RBFOX1: variants seen among roughly 807,000 people sequenced by gnomAD.
RBFOX1 encodes RNA binding protein fox-1 homolog 1.
In RBFOX1, 8 loss-of-function variants were observed where a neutral mutation model predicts 57.7. The observed-to-expected ratio is 0.14, with a 90% CI of 0.08 to 0.25. RBFOX1 has a LOEUF of 0.25. RBFOX1 is among the 10% of genes least tolerant of loss of function. The pLI is 1.00. For synonymous variants in RBFOX1, 326 were observed against 222.4 expected (o/e 1.47, Z -4.15); for missense variants, 611 against 548.5 (o/e 1.11, Z -1.14).
At chr16:6,246,361 C>A (rs1296668203) in intron 1 of RBFOX1, among the ~76,000 whole-genome samples, 1 of 152,180 alleles carries the variant, frequency 6.6e-6, no homozygotes, top group African/African-American at 2.4e-5. Flanking sequence ...AGTGAGCAGG[C>A]AATTCCAACA....
At chr16:6,876,415 C>G (rs1262145851) in intron 3 of RBFOX1, among the ~76,000 whole-genome samples, 8 of 102,128 alleles carry the variant, frequency 7.8e-5, no homozygotes, top group Non-Finnish European at 1.1e-4. Flanking sequence ...AGTAAATTAG[C>G]TGAAACAAAG....
chr16:5,684,112 T>C (rs78293819), intron 3 of RBFOX1, among the ~76,000 whole-genome samples: 6,161 of 152,180 alleles, frequency 0.04, 433 homozygotes, highest in African/African-American at 0.14. Context: ...CATTTCTTTT[T>C]TGTGTGAAAA....
chr16:5,711,378 G>A (rs1025389198), intron 3 of RBFOX1, among the ~76,000 whole-genome samples: 3 of 152,202 alleles, frequency 2.0e-5, no homozygotes, highest in African/African-American at 7.2e-5. Flanking sequence ...TAACCATATA[G>A]TCTTATTTCA....
chr16:6,301,669 TA>T (rs2078834596), intron 1 of RBFOX1, among the ~76,000 whole-genome samples: 1 of 152,070 alleles, frequency 6.6e-6, no homozygotes, highest in Non-Finnish European at 1.5e-5. Flanking sequence ...AAACTACTCT[TA>T]AAAAAAGGAA....
At chr16:7,619,359 C>A (rs2058953148) in intron 10 of RBFOX1, among the ~76,000 whole-genome samples, 1 of 152,032 alleles carries the variant, frequency 6.6e-6, no homozygotes, top group Non-Finnish European at 1.5e-5. Flanking sequence ...TTAGCCATAG[C>A]AGGGGAAGGG....
At chr16:7,448,817 C>G (rs1256687309) in intron 4 of RBFOX1, among the ~76,000 whole-genome samples, 1 of 151,982 alleles carries the variant, frequency 6.6e-6, no homozygotes, top group African/African-American at 2.4e-5. Flanking sequence ...GGGCACCAGC[C>G]ATTGGATTTA....
chr16:7,023,653 C>G (rs8054293), intron 3 of RBFOX1, among the ~76,000 whole-genome samples: 3 of 148,884 alleles, frequency 2.0e-5, no homozygotes, highest in South Asian at 2.1e-4. Flanking sequence ...CCCAGTATAC[C>G]TTGGAACTCC....
chr16:6,809,046 C>T (rs1037476097), intron 3 of RBFOX1, among the ~76,000 whole-genome samples: 2 of 152,182 alleles, frequency 1.3e-5, no homozygotes, highest in Non-Finnish European at 2.9e-5. Context: ...ATAGTTGAGT[C>T]TTGGCCAATC....
Position 6,019,414 on chromosome 16 carries a change from C to A in RBFOX1, c.-705C>A, listed in dbSNP as rs568337312. 7.1e-6 allele frequency: 7 copies of A among 986,842 alleles called. No homozygotes were observed. The highest frequency in any genetic ancestry group is 8.4e-6 in the Non-Finnish European group (7 of 831,160). The allele number at this position is 986,842 out of a possible 1,614,324, so 61.1% of individuals were successfully genotyped here. ...TCCAAGCAGCGCGGAGGGTGGCGGA[C>A]GGCGGACGGAGCCCAGGGGCCGCGT... On this transcript the variant is annotated 5_prime_UTR_variant, in exon 1 of 16. Transcript: ENST00000550418. This position sits in a 1 kb window ranked among gnomAD's most constrained non-coding sequence, Gnocchi z 4.2.
chr16:6,801,639 C>T (rs1320426166), intron 3 of RBFOX1, among the ~76,000 whole-genome samples: 1 of 151,678 alleles, frequency 6.6e-6, no homozygotes, highest in Non-Finnish European at 1.5e-5. Context: ...GCTAATTGGG[C>T]AGGAAAGGTG....
chr16:6,765,277 A>T (rs2077175213), intron 3 of RBFOX1, among the ~76,000 whole-genome samples: 1 of 152,198 alleles, frequency 6.6e-6, no homozygotes, highest in Non-Finnish European at 1.5e-5. Flanking sequence ...TTTGATTGCA[A>T]ACACAATATA....
chr16:5,500,779 C>T (rs1422647058), intron 2 of RBFOX1, among the ~76,000 whole-genome samples: 1 of 152,180 alleles, frequency 6.6e-6, no homozygotes, highest in Non-Finnish European at 1.5e-5. Flanking sequence ...GTGGTAACTT[C>T]ACCACACAGT....
intron 1 of RBFOX1, among the ~76,000 whole-genome samples, chr16:5,320,745 G>A (rs1246817140): frequency 6.6e-6 from 1 of 152,158 alleles, no homozygotes; most frequent in Non-Finnish European, 1.5e-5. Context: ...GGGTTTCCTG[G>A]CCACCCTTGA....
intron 3 of RBFOX1, among the ~76,000 whole-genome samples, chr16:6,880,803 A>T (rs2062783243): frequency 1.3e-5 from 2 of 151,542 alleles, no homozygotes; most frequent in South Asian, 4.1e-4. Context: ...TTCTTATATT[A>T]TTGAAAGAAT....
chr16:6,443,434 T>C (rs2094426462), intron 2 of RBFOX1, among the ~76,000 whole-genome samples: 1 of 152,176 alleles, frequency 6.6e-6, no homozygotes, highest in South Asian at 2.1e-4. Flanking sequence ...TTTAGGAGGT[T>C]TTGCATTGTT....
chr16:6,547,148 C>G (rs2096907958), intron 2 of RBFOX1, among the ~76,000 whole-genome samples: 1 of 152,186 alleles, frequency 6.6e-6, no homozygotes, highest in Non-Finnish European at 1.5e-5. Context: ...AAGATGCAAG[C>G]CATTCTTCAT....
intron 1 of RBFOX1, among the ~76,000 whole-genome samples, chr16:5,394,485 G>T (rs754252129): frequency 2.6e-5 from 4 of 151,538 alleles, no homozygotes; most frequent in Middle Eastern, 3.2e-3. Context: ...CTTGACCCCT[G>T]AAACATATCT....
Position 5,424,235 on chromosome 16 carries a change from A to C in RBFOX1, c.220-42981A>C, listed in dbSNP as rs557034342. ...ACTGTGAACAGTGAACATCTGCTGAATTGCATTGAGAGACAGCGCCACCTA... is the reference window on the plus strand; with the variant it reads ...ACTGTGAACAGTGAACATCTGCTGACTTGCATTGAGAGACAGCGCCACCTA... On this transcript the variant is annotated intron_variant, in intron 1 of 2. Transcript: ENST00000585867. Among the ~76,000 whole-genome samples the C allele has an allele frequency of 2.4e-3, 371 of 152,292 alleles. 1 individual carries two copies. The highest frequency in any genetic ancestry group is 8.6e-3 in the African/African-American group (356 of 41,576).
intron 4 of RBFOX1, among the ~76,000 whole-genome samples, chr16:5,926,869 T>C (rs2152239804): frequency 1.3e-5 from 2 of 152,328 alleles, no homozygotes; most frequent in South Asian, 4.1e-4. Context: ...TCGGGTATTT[T>C]TATTAGCTCC....
Sources: gnomAD v4.1 joint callset for allele counts (sites outside exome capture counted in the v4.1 genomes callset) on GRCh38, gnomAD v4.1.1 for gene constraint, Gnocchi (gnomAD v3.1) non-coding constraint, MANE v1.5 for transcripts, NCBI Gene and HGNC (gene_info 2026-07-23, HGNC 2026-07-21) for gene names.